WWOX: variants seen among roughly 807,000 people sequenced by gnomAD.
WWOX encodes WW domain-containing oxidoreductase.
A neutral mutation model predicts 46.2 loss-of-function variants in WWOX; 69 were observed. That is an observed-to-expected ratio of 1.49 (90% CI 1.23 to 1.82). WWOX has a LOEUF of 1.82. Among genes scored for constraint, WWOX ranks in the 40% most tolerant of loss-of-function variants. WWOX has a pLI of 0.00. For missense variants in WWOX, 919 were observed against 542.6 expected (o/e 1.69, Z -6.89); for synonymous variants, 359 against 202.6 (o/e 1.77, Z -6.56).
At chr16:78,897,343 C>G (rs1373397934) in intron 8 of WWOX, 1 of 150,648 alleles carries the variant, frequency 6.6e-6, no homozygotes, top group South Asian at 2.1e-4. Context: ...TCCTTTTATT[C>G]CCAGAAACAA....
chr16:78,537,500 T>A (rs2151521282), intron 8 of WWOX, among the ~76,000 whole-genome samples: 1 of 152,322 alleles, frequency 6.6e-6, no homozygotes, highest in East Asian at 1.9e-4. Context: ...ATCGTTTTCA[T>A]CATTATCATA....
intron 5 of WWOX, among the ~76,000 whole-genome samples, chr16:78,197,275 C>G (rs895054051): frequency 2.6e-5 from 4 of 152,208 alleles, no homozygotes; most frequent in Non-Finnish European, 5.9e-5. Flanking sequence ...CCACCTGACT[C>G]TTTCCCATAT....
intron 6 of WWOX, among the ~76,000 whole-genome samples, chr16:78,413,673 G>C: frequency 6.6e-6 from 1 of 151,846 alleles, no homozygotes; most frequent in Non-Finnish European, 1.5e-5. Context: ...CTGGGGATAT[G>C]ATGGCTTAGC....
chr16:78,891,595 T>A (rs1365926156), intron 8 of WWOX: 1 of 152,222 alleles, frequency 6.6e-6, no homozygotes, highest in Non-Finnish European at 1.5e-5. Flanking sequence ...ATGCAAAGAA[T>A]TAATGTGAGA....
chr16:78,204,323 G>A (rs1040746769), intron 5 of WWOX, among the ~76,000 whole-genome samples: 4 of 152,088 alleles, frequency 2.6e-5, no homozygotes, highest in African/African-American at 9.7e-5. Flanking sequence ...TACATCCGAT[G>A]TTTTGATACA....
intron 8 of WWOX, among the ~76,000 whole-genome samples, chr16:78,682,525 A>T (rs1215019240): frequency 6.6e-6 from 1 of 152,044 alleles, no homozygotes; most frequent in Non-Finnish European, 1.5e-5. Context: ...GGAGGCTGCA[A>T]CGACTTACGA....
At chr16:78,908,639 A>G (rs1454310333) in intron 8 of WWOX, among the ~76,000 whole-genome samples, 1 of 152,052 alleles carries the variant, frequency 6.6e-6, no homozygotes, top group African/African-American at 2.4e-5. Flanking sequence ...TCAGGGATAG[A>G]GATTTTTAAG....
intron 8 of WWOX, among the ~76,000 whole-genome samples, chr16:78,438,869 A>G (rs2090380217): frequency 6.6e-6 from 1 of 152,180 alleles, no homozygotes; most frequent in Non-Finnish European, 1.5e-5. Flanking sequence ...TTATAACTAG[A>G]AAAAGCACAA....
chr16:78,466,288 C>A (rs1335020269), intron 8 of WWOX, among the ~76,000 whole-genome samples: 1 of 152,096 alleles, frequency 6.6e-6, no homozygotes, highest in Non-Finnish European at 1.5e-5. Context: ...GCCTTGGCCT[C>A]CCAAAGTGCT....
intron 8 of WWOX, among the ~76,000 whole-genome samples, chr16:78,864,467 C>G (rs1440274543): frequency 6.6e-6 from 1 of 152,014 alleles, no homozygotes; most frequent in Non-Finnish European, 1.5e-5. Flanking sequence ...CAAGGTTTCT[C>G]CATGTTGCCA....
intron 8 of WWOX, among the ~76,000 whole-genome samples, chr16:78,732,905 C>G (rs1307558394): frequency 6.6e-6 from 1 of 152,290 alleles, no homozygotes; most frequent in South Asian, 2.1e-4. Context: ...CTGTGTTTCG[C>G]AAGAGTAAAG....
At chr16:78,460,126 C>T (rs1240950808) in intron 8 of WWOX, among the ~76,000 whole-genome samples, 1 of 151,320 alleles carries the variant, frequency 6.6e-6, no homozygotes, top group African/African-American at 2.4e-5. Context: ...CCTTCCCCTC[C>T]CCTTCCCTCC....
At chr16:78,389,075 C>G (rs1458804312) in intron 6 of WWOX, among the ~76,000 whole-genome samples, 2 of 152,192 alleles carry the variant, frequency 1.3e-5, no homozygotes, top group Non-Finnish European at 2.9e-5. Context: ...GCAACATCGC[C>G]TAAGCGCAGA....
At chr16:78,687,724 G>GTTATT (rs1381613614) in intron 8 of WWOX, among the ~76,000 whole-genome samples, 1 of 152,064 alleles carries the variant, frequency 6.6e-6, no homozygotes, top group African/African-American at 2.4e-5. Context: ...TCATTTTTAG[G>GTTATT]CATTATGTTA....
At chr16:78,506,728 T>TTTTTTTTTTTTTTTTTTG (rs1330915138) in intron 8 of WWOX, among the ~76,000 whole-genome samples, 3 of 93,628 alleles carry the variant, frequency 3.2e-5, no homozygotes, top group Non-Finnish European at 6.8e-5. Flanking sequence ...TTTTTTTTTT[T>TTTTTTTTTTTTTTTTTTG]GTACAGAGTC....
intron 8 of WWOX, among the ~76,000 whole-genome samples, chr16:78,796,827 C>CTT (rs530486192): frequency 0.02 from 2,616 of 133,090 alleles, 80 homozygotes; most frequent in African/African-American, 0.061. Flanking sequence ...TTATCTTCTT[C>CTT]TTTTTTTTTT....
At chr16:78,645,398 G>A (rs575580191) in intron 8 of WWOX, among the ~76,000 whole-genome samples, 1 of 152,114 alleles carries the variant, frequency 6.6e-6, no homozygotes, top group East Asian at 1.9e-4. Context: ...AGTCCAAAAT[G>A]GGTCTGTCTT....
At chr16:78,425,653 C>T (rs1263774083) in intron 7 of WWOX, among the ~76,000 whole-genome samples, 1 of 152,100 alleles carries the variant, frequency 6.6e-6, no homozygotes, top group Non-Finnish European at 1.5e-5. Flanking sequence ...TTGAAAATTT[C>T]CTCGTATTTT....
intron 8 of WWOX, among the ~76,000 whole-genome samples, chr16:78,791,633 T>C (rs2050603049): frequency 6.6e-6 from 1 of 152,080 alleles, no homozygotes; most frequent in Admixed American, 6.6e-5. Context: ...ATCCCAGCAC[T>C]TTGGGATAAT....
Sources: allele counts gnomAD v4.1 joint callset (sites outside exome capture counted in the v4.1 genomes callset), GRCh38; gene constraint gnomAD v4.1.1; transcripts MANE v1.5; gene names NCBI Gene and HGNC (gene_info 2026-07-23, HGNC 2026-07-21).